The following DDX60 variants were observed in gnomAD, a reference collection of about 807,000 sequenced individuals.
DDX60 encodes probable ATP-dependent RNA helicase DDX60.
Under a neutral mutation model 212.8 loss-of-function variants are expected in DDX60, and 165 were observed. That is an observed-to-expected ratio of 0.78 (90% CI 0.68 to 0.88). The LOEUF is 0.88. Ranked by LOEUF, DDX60 falls within the 40% of genes least tolerant of loss-of-function variation. The pLI is 0.00. For missense variants in DDX60, 1,905 were observed against 2,003.9 expected, an observed-to-expected ratio of 0.95 and a Z score of 0.94; for synonymous variants, 703 against 685.3, an observed-to-expected ratio of 1.03 and a Z score of -0.40.
At chr4:168,307,150 T>C (rs1250944302) in intron 4 of DDX60, among the ~76,000 whole-genome samples, 1 of 152,138 alleles carries the variant, frequency 6.6e-6, no homozygotes, top group Admixed American at 6.5e-5. Flanking sequence ...CATAACAAAA[T>C]TGGGGCAACC....
chr4:168,284,323 GGGGTAAGCATA>G (rs1431127114), intron 12 of DDX60, among the ~76,000 whole-genome samples: 2 of 152,120 alleles, frequency 1.3e-5, no homozygotes. Flanking sequence ...AACGGGGCTG[GGGGTAAGCATA>G]GGGATACAGA....
At chr4:168,250,525 C>CTTT (rs59885639) in intron 28 of DDX60, among the ~76,000 whole-genome samples, 98 of 138,062 alleles carry the variant, frequency 7.1e-4, no homozygotes, top group African/African-American at 2.5e-3. Flanking sequence ...GATATCATGA[C>CTTT]TTTTTTTTTT....
Position 168,283,570 on chromosome 4 carries a change from T to C in DDX60, c.1598A>G (p.Gln533Arg). ...SRDPRVLRSV[Q>R]KYHVFQRFYG... Reference sequence around the variant, plus strand: ...AAACCGTTGGAAAACATGATACTTTTGCACAGATCTAAGAACACGAGGGTC... The same window carrying C: ...AAACCGTTGGAAAACATGATACTTTCGCACAGATCTAAGAACACGAGGGTC... Residue 533 changes from glutamine (Q) to arginine (R), a missense_variant, in exon 13 of 38, where the codon CAA becomes CGA. Coordinates refer to ENST00000393743, the MANE Select transcript of DDX60 (RefSeq NM_017631.6). 1.2e-6 allele frequency: 2 copies of C among 1,613,332 alleles called. No homozygotes were observed. Among genetic ancestry groups the C allele is most frequent in the South Asian group, 1.1e-5 (1 of 91,002 alleles).
intron 7 of DDX60, among the ~76,000 whole-genome samples, chr4:168,292,650 T>G (rs1736161149): frequency 2.6e-5 from 4 of 152,170 alleles, no homozygotes; most frequent in Admixed American, 1.3e-4. Context: ...GACACCAGGA[T>G]GGTAATATAT....
chr4:168,290,090 C>T (rs1291044733), intron 8 of DDX60, among the ~76,000 whole-genome samples: 1 of 152,134 alleles, frequency 6.6e-6, no homozygotes, highest in Non-Finnish European at 1.5e-5. Context: ...CTACAGAATC[C>T]TACGTGACTT....
At chr4:168,268,313 A>G (rs1734938743) in intron 20 of DDX60, among the ~76,000 whole-genome samples, 2 of 152,216 alleles carry the variant, frequency 1.3e-5, no homozygotes, top group South Asian at 4.1e-4. Flanking sequence ...TAATACATGT[A>G]AAGCACTTAG....
chr4:168,293,819 G>T lies in DDX60; in HGVS notation c.850C>A (p.Pro284Thr). The change falls in exon 7 of 38, where the codon CCC becomes ACC. Residue 284 changes from proline to threonine, a missense_variant. Transcript: ENST00000393743. ...ATCTCAGTTTCCTGACCAGAGGAGG[G>T]CTCTCTGTTTCCTAAAAAGCGATGG... The part of the protein sequence containing the change: ...MYHRFLGNRE[P>T]SSGQETEIQQ... 6.2e-7 allele frequency: 1 copy of T among 1,613,300 alleles called. No individual in the cohort carries two copies.
In DDX60 at chr4:168,284,892, C is replaced by G. The variant is rs147256713; in HGVS notation, c.1489G>C (p.Asp497His). Residue 497 changes from aspartate to histidine, a missense_variant, in exon 12 of 38, where the codon GAT (aspartate) becomes CAT (histidine). Physicochemically the swap from Asp to His is moderately conservative, Grantham distance 81. Transcript: ENST00000393743. Reference sequence around the variant, plus strand: ...TGAGAATGCCAGTGCACAAGTTCATCAAATTCCTTTTGTTTAACCAGTGAA... The same window carrying G: ...TGAGAATGCCAGTGCACAAGTTCATGAAATTCCTTTTGTTTAACCAGTGAA... ...VTSLVKQKEFDELVHWHSHKP... is the reference protein window; with the variant it reads ...VTSLVKQKEFHELVHWHSHKP... The G allele has an allele frequency of 6.3e-7, 1 of 1,598,056 alleles. No individual in the cohort carries two copies.
chr4:168,312,836 T>C (rs1249742766), intron 1 of DDX60, among the ~76,000 whole-genome samples: 1 of 151,454 alleles, frequency 6.6e-6, no homozygotes, highest in African/African-American at 2.4e-5. Context: ...ACAATAATAA[T>C]GCAAGGAAGT....
chr4:168,324,084 A>G, the DDX60 span, among the ~76,000 whole-genome samples: 1 of 152,262 alleles, frequency 6.6e-6, no homozygotes, highest in African/African-American at 2.4e-5. Context: ...GACAGGGGAG[A>G]CCACCTCTTT....
At chr4:168,247,682 T>C (rs1734069111) in intron 29 of DDX60, among the ~76,000 whole-genome samples, 1 of 152,138 alleles carries the variant, frequency 6.6e-6, no homozygotes, top group Non-Finnish European at 1.5e-5. Flanking sequence ...GAACGTACGA[T>C]GAAAGATGGT....
chr4:168,323,701 G>T (rs1468078740), upstream of DDX60, among the ~76,000 whole-genome samples: 1 of 152,098 alleles, frequency 6.6e-6, no homozygotes. Context: ...TATATTTTGG[G>T]TATCAGTAAG....
At chr4:168,238,668 C>T (rs1459434556) in intron 30 of DDX60, among the ~76,000 whole-genome samples, 1 of 151,700 alleles carries the variant, frequency 6.6e-6, no homozygotes, top group Non-Finnish European at 1.5e-5. Flanking sequence ...TCAGAGATGG[C>T]AATAGTCAGA....
At chr4:168,270,875 C>CTTTTTTTTTTTTTTTTTT (rs759054592) in intron 19 of DDX60, among the ~76,000 whole-genome samples, 45 of 110,850 alleles carry the variant, frequency 4.1e-4, no homozygotes, top group African/African-American at 4.8e-4. Flanking sequence ...TTCTTTCTTT[C>CTTTTTTTTTTTTTTTTTT]TTTTTTTTTT....
chr4:168,225,931 C>A (rs1042146726), intron 33 of DDX60, among the ~76,000 whole-genome samples: 1 of 151,938 alleles, frequency 6.6e-6, no homozygotes, highest in African/African-American at 2.4e-5. Flanking sequence ...TGAATCAAAA[C>A]CACTTTTAAA....
chr4:168,277,036 T>C (rs1735371289), intron 14 of DDX60, among the ~76,000 whole-genome samples: 1 of 152,200 alleles, frequency 6.6e-6, no homozygotes. Flanking sequence ...TGCTCAAAAC[T>C]GACAGATCAA....
intron 6 of DDX60, among the ~76,000 whole-genome samples, chr4:168,297,370 GA>G (rs1491525993): frequency 9.5e-5 from 5 of 52,814 alleles, no homozygotes; most frequent in African/African-American, 1.4e-4. Flanking sequence ...AAGAAAGAAA[GA>G]AAGAAAGAAA....
intron 17 of DDX60, 72 bp downstream of exon 17, chr4:168,273,862 G>A: frequency 6.6e-7 from 1 of 1,515,778 alleles, no homozygotes; most frequent in Non-Finnish European, 8.9e-7. Context: ...GATCTACCAT[G>A]TGACCATGTT....
intron 5 of DDX60, among the ~76,000 whole-genome samples, chr4:168,304,227 G>C (rs1050450444): frequency 2.0e-5 from 3 of 152,168 alleles, no homozygotes; most frequent in African/African-American, 7.2e-5. Context: ...CTCCATGTGT[G>C]TTACTGCCCC....
Sources: allele counts gnomAD v4.1 joint callset (sites outside exome capture counted in the v4.1 genomes callset), GRCh38; gene constraint gnomAD v4.1.1; transcripts MANE v1.5; gene names NCBI Gene and HGNC (gene_info 2026-07-23, HGNC 2026-07-21).